SH3PXD2A: variants seen among roughly 807,000 people sequenced by gnomAD.
The protein encoded by SH3PXD2A is SH3 and PX domain-containing protein 2A.
SH3PXD2A carries 32 observed loss-of-function variants against 115.2 expected under a neutral mutation model. The ratio of observed to expected loss-of-function variants is 0.28; its 90% CI spans 0.21 to 0.37. The LOEUF is 0.37. SH3PXD2A is among the 10% of genes least tolerant of loss of function. The pLI is 1.00. For synonymous variants in SH3PXD2A, 610 were observed against 629.1 expected, an observed-to-expected ratio of 0.97 and a Z score of 0.45; for missense variants, 1,328 against 1,498.7, an observed-to-expected ratio of 0.89 and a Z score of 1.88.
intron 1 of SH3PXD2A, among the ~76,000 whole-genome samples, chr10:103,813,281 T>C (rs1480125089): frequency 6.6e-6 from 1 of 151,942 alleles, no homozygotes; most frequent in Non-Finnish European, 1.5e-5. Flanking sequence ...AGAGGAGAAA[T>C]GGGAACAGTT....
At chr10:103,754,017 A>G (rs2038610302) in intron 3 of SH3PXD2A, 1 of 152,196 alleles carries the variant, frequency 6.6e-6, no homozygotes, top group African/African-American at 2.4e-5. Context: ...CAGATCAGAA[A>G]CAAGAGGCCA....
chr10:103,619,704 G>A (rs948967243), intron 10 of SH3PXD2A, among the ~76,000 whole-genome samples: 1 of 152,220 alleles, frequency 6.6e-6, no homozygotes, highest in African/African-American at 2.4e-5. Flanking sequence ...TCTTGGGGGT[G>A]GGGGCAGAAC....
chr10:103,738,965 T>G (rs1162036901), intron 3 of SH3PXD2A, among the ~76,000 whole-genome samples: 3 of 138,982 alleles, frequency 2.2e-5, no homozygotes, highest in Non-Finnish European at 4.6e-5. Flanking sequence ...CGGCTGATTT[T>G]GCATTTTTAG....
At chr10:103,641,625 A>G (rs1359231348) in intron 8 of SH3PXD2A, among the ~76,000 whole-genome samples, 2 of 152,116 alleles carry the variant, frequency 1.3e-5, no homozygotes, top group Admixed American at 6.5e-5. Context: ...CCAAATTCCC[A>G]TCTGACAGAT....
chr10:103,741,742 G>A (rs900730018), intron 3 of SH3PXD2A, among the ~76,000 whole-genome samples: 8 of 152,352 alleles, frequency 5.3e-5, no homozygotes, highest in South Asian at 2.1e-4. Context: ...CGTGCTCCAA[G>A]GACAGCCCTC....
intron 5 of SH3PXD2A, among the ~76,000 whole-genome samples, chr10:103,702,422 A>T (rs1356741166): frequency 1.3e-5 from 2 of 152,194 alleles, no homozygotes; most frequent in East Asian, 3.8e-4. Flanking sequence ...GGACAGGGAG[A>T]TCAGAGTGGT....
intron 2 of SH3PXD2A, among the ~76,000 whole-genome samples, chr10:103,782,711 CA>C (rs1171035846): frequency 6.7e-6 from 1 of 149,642 alleles, no homozygotes; most frequent in Non-Finnish European, 1.5e-5. Flanking sequence ...GTTAAGAAGA[CA>C]ATGGGCTGGG....
At position 103,603,482 on chromosome 10, in the gene SH3PXD2A, C is replaced by G. The variant is rs2133909300; in HGVS notation, c.1736G>C (p.Arg579Thr). The G allele has an allele frequency of 2.5e-6, 4 of 1,611,398 alleles. No individual in the cohort carries two copies. The East Asian group carries it at 8.9e-5, about 36-fold the overall frequency. ...GGCAGGCCGCCTCTCCCCTGAGGCT[C>G]TGTCCTCCACGGGCTCCTCGCTCAG... ...PELSEEPVED[R>T]ASGERRPAQP... Residue 579 changes from arginine to threonine, a missense_variant, in exon 15 of 15, where the codon AGA becomes ACA. Arg to Thr is a moderately conservative substitution (Grantham distance 71). Around this residue, in one of 5 missense-constraint regions of SH3PXD2A, gnomAD observed 509 missense variants for 628.3 expected, o/e 0.81. Coordinates refer to ENST00000369774, the MANE Select transcript of SH3PXD2A (RefSeq NM_001394015.1).
At chr10:103,783,311 T>C (rs1333462923) in intron 2 of SH3PXD2A, among the ~76,000 whole-genome samples, 1 of 152,118 alleles carries the variant, frequency 6.6e-6, no homozygotes, top group Non-Finnish European at 1.5e-5. Context: ...GAAGACTGGA[T>C]TATGGAGGAG....
intron 1 of SH3PXD2A, among the ~76,000 whole-genome samples, chr10:103,834,204 A>C (rs2039508792): frequency 1.3e-5 from 2 of 152,226 alleles, no homozygotes; most frequent in Non-Finnish European, 2.9e-5. Context: ...CCAGCCCTGC[A>C]AGGGCCATGG....
chr10:103,766,689 G>C (rs983902437), intron 3 of SH3PXD2A, among the ~76,000 whole-genome samples: 7 of 152,196 alleles, frequency 4.6e-5, no homozygotes, highest in African/African-American at 1.7e-4. Flanking sequence ...GTGACGTGAG[G>C]ACTGGAGGAG....
intron 11 of SH3PXD2A, among the ~76,000 whole-genome samples, chr10:103,615,031 GA>G (rs1198473125): frequency 6.6e-6 from 1 of 152,322 alleles, no homozygotes; most frequent in East Asian, 1.9e-4. Context: ...GGTGCAAACA[GA>G]AGCACAGAAT....
intron 6 of SH3PXD2A, among the ~76,000 whole-genome samples, chr10:103,681,622 T>C (rs551469970): frequency 7.9e-5 from 12 of 152,306 alleles, no homozygotes; most frequent in Admixed American, 6.5e-4. Flanking sequence ...AGGGTACCTG[T>C]AGTCCCAGCT....
rs539938109 is a variant in SH3PXD2A at position 103,789,558 on chromosome 10, A to C, written c.153+11724T>G. Among the ~76,000 whole-genome samples the C allele has an allele frequency of 7.5e-4, 101 of 134,296 alleles. No homozygotes were observed. In the South Asian group the frequency reaches 0.012, roughly 16 times the overall value. The allele number at this position is 134,296 out of a possible 152,430, so 88.1% of individuals were successfully genotyped here. ...ACACACACACACACACACACACACA[A>C]CACTCACCTGGCCACCACCAAAGAT... On this transcript the variant is annotated intron_variant, in intron 2 of 14. Transcript: ENST00000369774.
chr10:103,681,763 C>T (rs1172784125), intron 6 of SH3PXD2A, among the ~76,000 whole-genome samples: 4 of 150,056 alleles, frequency 2.7e-5, no homozygotes, highest in Non-Finnish European at 6.0e-5. Context: ...CGCGCCCGCG[C>T]GCGCGCGCGC....
intron 5 of SH3PXD2A, among the ~76,000 whole-genome samples, chr10:103,701,629 A>T (rs536146741): frequency 7.1e-4 from 98 of 138,262 alleles, no homozygotes; most frequent in African/African-American, 2.6e-3. Flanking sequence ...CCATCCATCC[A>T]CCATCCATCC....
intron 6 of SH3PXD2A, among the ~76,000 whole-genome samples, chr10:103,684,869 A>T (rs2037657316): frequency 6.6e-6 from 1 of 151,806 alleles, no homozygotes; most frequent in African/African-American, 2.4e-5. Context: ...TCTCTACAAA[A>T]ACTAACTGGA....
chr10:103,822,083 T>A lies in SH3PXD2A; in HGVS notation c.73-20721A>T, dbSNP rs536323688. ...CATCCCCAGCTAATTTTTGTATTTT[T>A]GGTAAAGACAGGGTTTCACCAGGTC... is the stretch of plus-strand genomic sequence containing the variant. On this transcript the variant is annotated intron_variant, in intron 1 of 14. Transcript: ENST00000369774. Among the ~76,000 whole-genome samples the A allele has an allele frequency of 1.9e-3, 291 of 152,070 alleles. 3 individuals are homozygous for A. The highest frequency in any genetic ancestry group is 6.5e-3 in the African/African-American group (269 of 41,454).
At chr10:103,682,339 C>T (rs17739265) in intron 6 of SH3PXD2A, among the ~76,000 whole-genome samples, 150 of 152,392 alleles carry the variant, frequency 9.8e-4, no homozygotes, top group Non-Finnish European at 1.8e-3. Context: ...ATCACCGCCA[C>T]GTGGGCTGGC....
Sources: gnomAD v4.1 joint callset for allele counts (sites outside exome capture counted in the v4.1 genomes callset) on GRCh38, gnomAD v4.1.1 for gene constraint, gnomAD v4.1.1 regional missense constraint, MANE v1.5 for transcripts, NCBI Gene and HGNC (gene_info 2026-07-23, HGNC 2026-07-21) for gene names.